The following GFRA1 variants were observed in gnomAD, a reference collection of about 807,000 sequenced individuals.
GFRA1 encodes GDNF family receptor alpha-1.
A neutral mutation model predicts 51.6 loss-of-function variants in GFRA1; 16 were observed. The ratio of observed to expected loss-of-function variants is 0.31; its 90% CI spans 0.21 to 0.47. GFRA1 has a LOEUF of 0.47. Among genes scored for constraint, GFRA1 ranks in the 20% least tolerant of loss-of-function variants. GFRA1 has a pLI of 1.00. For synonymous variants in GFRA1, 270 were observed against 241.3 expected (o/e 1.12, Z -1.10); for missense variants, 530 against 594.3 (o/e 0.89, Z 1.13).
intron 5 of GFRA1, 124 bp downstream of exon 5, chr10:116,211,507 C>A: frequency 1.1e-6 from 1 of 874,298 alleles, no homozygotes; most frequent in Non-Finnish European, 1.9e-6. Flanking sequence ...CATGGTGTCC[C>A]TGAGGGCCTA....
chr10:116,202,656 GGA>G (rs935613965), intron 5 of GFRA1, among the ~76,000 whole-genome samples: 2 of 151,922 alleles, frequency 1.3e-5, no homozygotes. Context: ...TGGTGGAGCA[GGA>G]GAGAGAGAGA....
chr10:116,084,595 A>G (rs1400070846), intron 9 of GFRA1, among the ~76,000 whole-genome samples: 1 of 152,176 alleles, frequency 6.6e-6, no homozygotes, highest in Non-Finnish European at 1.5e-5. Context: ...CTGAGTCCCA[A>G]GGCTATAGCT....
chr10:116,127,673 G>C (rs1275822440), intron 5 of GFRA1, among the ~76,000 whole-genome samples: 1 of 152,206 alleles, frequency 6.6e-6, no homozygotes, highest in African/African-American at 2.4e-5. Flanking sequence ...TCAGGACTCA[G>C]GAGTGAAATA....
chr10:116,146,350 G>A (rs1268500471), intron 5 of GFRA1, among the ~76,000 whole-genome samples: 2 of 152,198 alleles, frequency 1.3e-5, no homozygotes, highest in East Asian at 3.9e-4. Context: ...ATTCCTGATA[G>A]GAGAACCATA....
At chr10:116,128,560 C>T (rs1957969333) in intron 5 of GFRA1, among the ~76,000 whole-genome samples, 1 of 151,858 alleles carries the variant, frequency 6.6e-6, no homozygotes, top group Non-Finnish European at 1.5e-5. Flanking sequence ...CCCGTCTCTA[C>T]TAAAAATACA....
At chr10:116,150,732 A>C (rs1959026961) in intron 5 of GFRA1, among the ~76,000 whole-genome samples, 1 of 152,294 alleles carries the variant, frequency 6.6e-6, no homozygotes, top group African/African-American at 2.4e-5. Flanking sequence ...AGTAATTCTC[A>C]ATTGCTGAAA....
chr10:116,113,429 C>T (rs549663164), intron 6 of GFRA1, among the ~76,000 whole-genome samples: 5 of 152,200 alleles, frequency 3.3e-5, no homozygotes, highest in African/African-American at 7.2e-5. Context: ...TTGAAACCCG[C>T]GGTTTTAATG....
rs975235922 is a variant in GFRA1 at position 116,201,427 on chromosome 10, C to A, written c.433+10204G>T. 2.6e-5 allele frequency among the ~76,000 whole-genome samples: 4 copies of A among 152,120 alleles called. No homozygotes were observed. The South Asian group carries it at 8.3e-4, about 32-fold the overall frequency. On this transcript the variant is annotated intron_variant, in intron 5 of 10. Transcript: ENST00000355422. ...CCATCCAATCTCAACCCAGAGTCTG[C>A]CAGGTTTGCTGCCCTCTCAACATCC...
intron 5 of GFRA1, among the ~76,000 whole-genome samples, chr10:116,129,397 T>C (rs12771220): frequency 0.36 from 54,449 of 151,990 alleles, 10,012 homozygotes; most frequent in East Asian, 0.41. Flanking sequence ...TGTAATTCAC[T>C]GCACTAACAG....
intron 4 of GFRA1, among the ~76,000 whole-genome samples, chr10:116,265,579 T>C (rs777122474): frequency 6.6e-5 from 10 of 152,198 alleles, no homozygotes; most frequent in Non-Finnish European, 1.0e-4. Flanking sequence ...AATCCCTGTT[T>C]ACTTCTGTGT....
intron 4 of GFRA1, among the ~76,000 whole-genome samples, chr10:116,231,857 C>T (rs1481932190): frequency 2.0e-5 from 3 of 152,196 alleles, no homozygotes; most frequent in East Asian, 1.9e-4. Context: ...TTATTTAAAA[C>T]GAATTCAACC....
chr10:116,130,432 A>T (rs1211352513), intron 5 of GFRA1, among the ~76,000 whole-genome samples: 1 of 152,130 alleles, frequency 6.6e-6, no homozygotes, highest in Non-Finnish European at 1.5e-5. Context: ...TGGAAACGCA[A>T]AGGACACAGA....
At chr10:116,185,494 T>C (rs1466419961) in intron 5 of GFRA1, among the ~76,000 whole-genome samples, 1 of 152,162 alleles carries the variant, frequency 6.6e-6, no homozygotes, top group Admixed American at 6.5e-5. Flanking sequence ...GGAGCACCCC[T>C]GGCACCAAGC....
chr10:116,113,639 C>T (rs554882630), intron 6 of GFRA1, among the ~76,000 whole-genome samples: 4 of 152,248 alleles, frequency 2.6e-5, no homozygotes, highest in East Asian at 1.9e-4. Flanking sequence ...ATGGGCAGTG[C>T]GGCATTCGGC....
intron 4 of GFRA1, among the ~76,000 whole-genome samples, chr10:116,240,429 T>A (rs1967262703): frequency 6.6e-6 from 1 of 152,226 alleles, no homozygotes; most frequent in African/African-American, 2.4e-5. Context: ...AGTTTCTTTC[T>A]CATAAGCTGT....
rs568280430 is a variant in GFRA1 at position 116,162,349 on chromosome 10, G to A, written c.434-36792C>T. Among the ~76,000 whole-genome samples, 60 of 152,328 alleles carry A rather than the reference G, an allele frequency of 3.9e-4. 1 individual carries two copies. The highest frequency in any genetic ancestry group is 1.4e-3 in the African/African-American group (60 of 41,582). Reference sequence around the variant, plus strand: ...CATTAACTAGTCTCAGAGTCCAGGGGATGTATCTCGCCACAGGCCAAAGCC... The same window carrying A: ...CATTAACTAGTCTCAGAGTCCAGGGAATGTATCTCGCCACAGGCCAAAGCC... On this transcript the variant is annotated intron_variant, in intron 5 of 10. Coordinates refer to ENST00000355422, the MANE Select transcript of GFRA1 (RefSeq NM_005264.8).
At chr10:116,254,808 T>G (rs1286203633) in intron 4 of GFRA1, among the ~76,000 whole-genome samples, 1 of 152,194 alleles carries the variant, frequency 6.6e-6, no homozygotes, top group African/African-American at 2.4e-5. Flanking sequence ...CAGGGCCAGA[T>G]CCTCAGAAAA....
chr10:116,189,582 T>C (rs1025277521), intron 5 of GFRA1, among the ~76,000 whole-genome samples: 4 of 152,196 alleles, frequency 2.6e-5, no homozygotes, highest in African/African-American at 9.7e-5. Context: ...TCTTTAAGTG[T>C]CCATCATAGC....
chr10:116,153,673 T>C (rs1959144120), intron 5 of GFRA1, among the ~76,000 whole-genome samples: 1 of 152,220 alleles, frequency 6.6e-6, no homozygotes. Flanking sequence ...ACTATATTAA[T>C]GACTTGGAGT....
Sources: gnomAD v4.1 joint callset for allele counts (sites outside exome capture counted in the v4.1 genomes callset) on GRCh38, gnomAD v4.1.1 for gene constraint, MANE v1.5 for transcripts, NCBI Gene and HGNC (gene_info 2026-07-23, HGNC 2026-07-21) for gene names.